METTL22: variants seen among roughly 807,000 people sequenced by gnomAD.
METTL22 encodes methyltransferase 22, Kin17 lysine.
METTL22 carries 51 observed loss-of-function variants against 48.4 expected under a neutral mutation model. That is an observed-to-expected ratio of 1.05 (90% CI 0.84 to 1.33). METTL22 has a LOEUF of 1.33. Ranked by LOEUF, METTL22 falls within the 40% of genes most tolerant of loss-of-function variation. The probability of loss-of-function intolerance (pLI) is 0.00; values close to 1 mark genes in which losing one functional copy is unlikely to be tolerated. For synonymous variants in METTL22, 255 were observed against 214.1 expected (o/e 1.19, Z -1.67); for missense variants, 678 against 526.9 (o/e 1.29, Z -2.81).
At position 8,632,387 on chromosome 16, in the gene METTL22, A is replaced by T. The variant is rs138737155; in HGVS notation, c.515-2652A>T. On this transcript the variant is annotated intron_variant, in intron 3 of 10. Coordinates refer to ENST00000381920, the MANE Select transcript of METTL22 (RefSeq NM_024109.4). ...TGTTTCTATTTGGCTTTAGAAAAAT[A>T]TGGGTCTCACTTTGCACTTCGTTAC... Among the ~76,000 whole-genome samples, 1,413 of 152,294 alleles carry T rather than the reference A, an allele frequency of 9.3e-3. 24 individuals are homozygous for T. The highest frequency in any genetic ancestry group is 0.033 in the African/African-American group (1,352 of 41,556).
At chr16:8,624,803 G>T (rs1328292839) in intron 1 of METTL22, among the ~76,000 whole-genome samples, 1 of 152,120 alleles carries the variant, frequency 6.6e-6, no homozygotes, top group Non-Finnish European at 1.5e-5. Flanking sequence ...AGGCTGCAGT[G>T]AGCCATGATT....
chr16:8,625,867 G>C (rs1275758837), intron 2 of METTL22, 69 bp downstream of exon 2: 3 of 1,583,108 alleles, frequency 1.9e-6, no homozygotes, highest in Non-Finnish European at 2.6e-6. Flanking sequence ...TCATCTTTTT[G>C]GGGAAAATAT....
At chr16:8,660,322 C>T in the METTL22 span, among the ~76,000 whole-genome samples, 8 of 151,972 alleles carry the variant, frequency 5.3e-5, no homozygotes, top group Non-Finnish European at 1.2e-4. Context: ...TACAAGCGCA[C>T]ACCACCACAC....
At position 8,646,178 on chromosome 16, in the gene METTL22, T is replaced by C; in HGVS notation, c.*35T>C. On this transcript the variant is annotated 3_prime_UTR_variant, in exon 11 of 11. Coordinates refer to ENST00000381920, the MANE Select transcript of METTL22 (RefSeq NM_024109.4). ...TCCACAAGGCGCGGCGTCTCGACTG[T>C]TCTTAGAGTGTATTTCTAGTAAAAT... The C allele has an allele frequency of 1.1e-5, 17 of 1,612,430 alleles. No homozygotes were observed. The highest frequency in any genetic ancestry group is 1.4e-5 in the Non-Finnish European group (17 of 1,178,672).
intron 9 of METTL22, among the ~76,000 whole-genome samples, chr16:8,643,450 G>A (rs1175024209): frequency 2.6e-5 from 4 of 152,168 alleles, no homozygotes; most frequent in Non-Finnish European, 5.9e-5. Context: ...ATCTTCTTGA[G>A]ACACACACTG....
At chr16:8,643,184 A>G (rs1046360332) in intron 9 of METTL22, among the ~76,000 whole-genome samples, 1 of 152,204 alleles carries the variant, frequency 6.6e-6, no homozygotes, top group African/African-American at 2.4e-5. Context: ...TCACCCAGCA[A>G]TTCAGCATCT....
At chr16:8,636,907 A>C (rs2056440748) in intron 5 of METTL22, among the ~76,000 whole-genome samples, 1 of 152,258 alleles carries the variant, frequency 6.6e-6, no homozygotes, top group South Asian at 2.1e-4. Flanking sequence ...AGGAGTTGTT[A>C]AAATAATCCA....
chr16:8,647,721 C>G lies in METTL22; in HGVS notation c.*1578C>G, dbSNP rs933948059. On this transcript the variant is annotated 3_prime_UTR_variant, in exon 11 of 11. Transcript: ENST00000381920. ...GAGAAGAAAAACGGTCTCAGCTGAA[C>G]CTGTAGTGAGAGCATGCAGGAGAGT... is the stretch of plus-strand genomic sequence containing the variant. 1 of 152,234 alleles carries G rather than the reference C, an allele frequency of 6.6e-6. No individual in the cohort carries two copies. Among genetic ancestry groups the G allele is most frequent in the African/African-American group, 2.4e-5 (1 of 41,448 alleles). 9.4% of individuals were successfully genotyped at this position (152,234 alleles called of 1,614,324 possible).
At position 8,642,473 on chromosome 16, in the gene METTL22, C is replaced by G. The variant is rs118103574; in HGVS notation, c.918C>G (p.Asp306Glu). ...TTTTGCTTCCCACAGTGTTTTACGACGACGACTTGACTGATGCTGTGTTTA... is the reference window on the plus strand; with the variant it reads ...TTTTGCTTCCCACAGTGTTTTACGAGGACGACTTGACTGATGCTGTGTTTA... ...TILFAAEVFY[D>E]DDLTDAVFKT... The change falls in exon 9 of 11, where the codon GAC (aspartate) becomes GAG (glutamate). Residue 306 changes from aspartate (D) to glutamate (E), a missense_variant. By Grantham distance (45) the Asp-to-Glu change is conservative. Coordinates refer to ENST00000381920, the MANE Select transcript of METTL22 (RefSeq NM_024109.4). 3.1e-6 allele frequency: 5 copies of G among 1,614,174 alleles called. No individual in the cohort carries two copies. The highest frequency in any genetic ancestry group is 4.2e-6 in the Non-Finnish European group (5 of 1,180,022).
At chr16:8,655,182 T>C in the METTL22 span, among the ~76,000 whole-genome samples, 1,486 of 152,354 alleles carry the variant, frequency 9.8e-3, 6 homozygotes, top group Non-Finnish European at 0.016. Flanking sequence ...CTGTGGGTCA[T>C]AAATCTGGGC....
chr16:8,651,139 G>A (rs984937220), downstream of METTL22, among the ~76,000 whole-genome samples: 4 of 152,102 alleles, frequency 2.6e-5, no homozygotes, highest in African/African-American at 9.7e-5. Context: ...TGTAATCCCA[G>A]CACTTTGGGA....
At position 8,641,169 on chromosome 16, in the gene METTL22, G is replaced by T. The variant is rs770092012; in HGVS notation, c.811G>T (p.Asp271Tyr). 1 of 1,614,004 alleles carries T rather than the reference G, an allele frequency of 6.2e-7. No individual in the cohort carries two copies. The highest frequency in any genetic ancestry group is 1.7e-5 in the Admixed American group (1 of 60,012). Residue 271 changes from aspartate to tyrosine, a missense_variant, in exon 7 of 11, where the codon GAC (aspartate) becomes TAC (tyrosine). Physicochemically the swap from Asp to Tyr is radical, Grantham distance 160. Coordinates refer to ENST00000381920, the MANE Select transcript of METTL22 (RefSeq NM_024109.4). ...GGTCAAAGAACTGGACTGGCTGAAGGACGACCTCTGCACAGGTGTGTGTTT... is the reference window on the plus strand; with the variant it reads ...GGTCAAAGAACTGGACTGGCTGAAGTACGACCTCTGCACAGGTGTGTGTTT... Reference protein sequence around the residue: ...VRVKELDWLKDDLCTDPKVPF... With the variant: ...VRVKELDWLKYDLCTDPKVPF...
intron 3 of METTL22, among the ~76,000 whole-genome samples, chr16:8,630,248 C>G (rs1174536557): frequency 6.6e-6 from 1 of 152,216 alleles, no homozygotes; most frequent in East Asian, 1.9e-4. Context: ...AGCCTCTGTT[C>G]TAGACTGTCC....
rs1466486502 is a variant in METTL22, at chr16:8,642,134, G to A, written c.834G>A (p.Lys278=). 1 of 1,612,694 alleles carries A rather than the reference G, an allele frequency of 6.2e-7. No homozygotes were observed. Among genetic ancestry groups the A allele is most frequent in the Non-Finnish European group, 8.5e-7 (1 of 1,178,700 alleles). ...WLKDDLCTDP[K]VPFSWSQEEI... Reference sequence around the variant, plus strand: ...GCTTTTGTTCTTTCTTAGATCCCAAGGTCCCCTTCAGTTGGTCACAAGAGG... The same window carrying A: ...GCTTTTGTTCTTTCTTAGATCCCAAAGTCCCCTTCAGTTGGTCACAAGAGG... Residue 278 remains lysine (K), a synonymous_variant, in exon 8 of 11, where the codon AAG becomes AAA. Coordinates refer to ENST00000381920, the MANE Select transcript of METTL22 (RefSeq NM_024109.4).
chr16:8,625,850 C>T, intron 2 of METTL22, 52 bp downstream of exon 2: 1 of 1,600,914 alleles, frequency 6.2e-7, no homozygotes, highest in African/African-American at 1.3e-5. Flanking sequence ...TTTCTGCTTT[C>T]TCATACTCAT....
At chr16:8,657,083 C>T in the METTL22 span, among the ~76,000 whole-genome samples, 62 of 152,310 alleles carry the variant, frequency 4.1e-4, no homozygotes, top group Middle Eastern at 3.4e-3. Flanking sequence ...TACACTTCAT[C>T]ATGAGTTGTT....
At chr16:8,628,651 G>C (rs1449540831) in intron 2 of METTL22, 79 bp from the exon 3 acceptor site, 3 of 1,511,198 alleles carry the variant, frequency 2.0e-6, no homozygotes, top group African/African-American at 1.4e-5. Context: ...TTGGTAATCA[G>C]ATATTCTCAA....
In METTL22 at chr16:8,621,764, G is replaced by T. The variant is rs1397408192; in HGVS notation, c.-182G>T. ...GGAGTCGGGTGGGATCCCAGGCTGG[G>T]CCCCGCGGCGGGTAAGTGCCTGGGA... On this transcript the variant is annotated 5_prime_UTR_variant, in exon 1 of 11. Coordinates refer to ENST00000381920, the MANE Select transcript of METTL22 (RefSeq NM_024109.4). The T allele has an allele frequency of 6.6e-6, 1 of 152,316 alleles. No homozygotes were observed. Among genetic ancestry groups the T allele is most frequent in the African/African-American group, 2.4e-5 (1 of 41,472 alleles). 9.4% of individuals were successfully genotyped at this position (152,316 alleles called of 1,614,324 possible). A position where few individuals can be genotyped will look rare whatever the true frequency, so the allele number is the denominator to read the frequency against.
At chr16:8,625,957 C>G (rs1412537815) in intron 2 of METTL22, among the ~76,000 whole-genome samples, 159 bp downstream of exon 2, 1 of 152,044 alleles carries the variant, frequency 6.6e-6, no homozygotes, top group Non-Finnish European at 1.5e-5. Context: ...TTTTAAAAAC[C>G]TTGTACTCTG....
Sources: gnomAD v4.1 joint callset for allele counts (sites outside exome capture counted in the v4.1 genomes callset) on GRCh38, gnomAD v4.1.1 for gene constraint, MANE v1.5 for transcripts, NCBI Gene and HGNC (gene_info 2026-07-23, HGNC 2026-07-21) for gene names.